NGLY1: variants seen among roughly 807,000 people sequenced by gnomAD.
NGLY1 encodes the protein N-glycanase 1.
In NGLY1, 68 loss-of-function variants were observed where a neutral mutation model predicts 84.6. The ratio of observed to expected loss-of-function variants is 0.80; its 90% confidence interval spans 0.66 to 0.98. The LOEUF (loss-of-function observed/expected upper bound fraction) is 0.98. Among genes scored for constraint, NGLY1 ranks in the 50% least tolerant of loss-of-function variants. The pLI, the probability that NGLY1 is intolerant of heterozygous loss-of-function variation, is 0.00. For synonymous variants in NGLY1, 280 were observed against 275.2 expected, an observed-to-expected ratio of 1.02 and a Z score of -0.17; for missense variants, 779 against 770.2, an observed-to-expected ratio of 1.01 and a Z score of -0.14.
chr3:25,785,299 T>A (rs938074007), upstream of NGLY1, among the ~76,000 whole-genome samples: 8 of 151,616 alleles, frequency 5.3e-5, no homozygotes, highest in South Asian at 4.2e-4. Flanking sequence ...AAAAAAAAAA[T>A]TTAAAAACAC....
chr3:25,782,377 C>T (rs1204171421), intron 1 of NGLY1, among the ~76,000 whole-genome samples: 1 of 152,146 alleles, frequency 6.6e-6, no homozygotes, highest in Non-Finnish European at 1.5e-5. Context: ...AATGAGGTAA[C>T]ACCCCTAAAG....
intron 1 of NGLY1, chr3:25,782,638 T>C (rs1708471555): frequency 1.3e-5 from 2 of 152,260 alleles, no homozygotes; most frequent in Admixed American, 1.3e-4. Context: ...TGTTACATAG[T>C]AGAATCCAGG....
intron 3 of NGLY1, among the ~76,000 whole-genome samples, chr3:25,762,809 C>T (rs1200159011): frequency 6.6e-6 from 1 of 152,038 alleles, no homozygotes; most frequent in Non-Finnish European, 1.5e-5. Flanking sequence ...AAAAAATTAG[C>T]CAAGTGTGGT....
intron 3 of NGLY1, among the ~76,000 whole-genome samples, chr3:25,762,100 C>T (rs1329330032): frequency 6.6e-6 from 1 of 152,038 alleles, no homozygotes; most frequent in Non-Finnish European, 1.5e-5. Context: ...ACGTCAACAT[C>T]AGTGACTATC....
At chr3:25,789,594 T>C (rs1708677482) in intron 1 of NGLY1, among the ~76,000 whole-genome samples, 1 of 152,204 alleles carries the variant, frequency 6.6e-6, no homozygotes, top group South Asian at 2.1e-4. Flanking sequence ...ACCTGCAGAA[T>C]TATTTTAAAC....
At chr3:25,777,202 C>A (rs976255570) in intron 2 of NGLY1, among the ~76,000 whole-genome samples, 2 of 152,268 alleles carry the variant, frequency 1.3e-5, no homozygotes, top group South Asian at 2.1e-4. Context: ...TCGAGACCAA[C>A]CTGACCAACA....
At chr3:25,751,895 G>A (rs1312150751) in intron 3 of NGLY1, among the ~76,000 whole-genome samples, 3 of 152,158 alleles carry the variant, frequency 2.0e-5, no homozygotes, top group Non-Finnish European at 4.4e-5. Context: ...CCTCTGAGCA[G>A]TAAGTGTGCA....
chr3:25,741,780 C>T (rs969222992), intron 4 of NGLY1, among the ~76,000 whole-genome samples: 4 of 151,814 alleles, frequency 2.6e-5, no homozygotes, highest in Admixed American at 6.6e-5. Context: ...CACTTGAGGT[C>T]AGGAGTTGGA....
intron 5 of NGLY1, among the ~76,000 whole-genome samples, chr3:25,738,629 T>C (rs529066556): frequency 1.3e-5 from 2 of 152,222 alleles, no homozygotes; most frequent in Admixed American, 6.5e-5. Flanking sequence ...AATTAAATTT[T>C]TTTTTTTTTT....
chr3:25,789,647 T>G (rs1282552740), intron 1 of NGLY1: 1 of 602,420 alleles, frequency 1.7e-6, no homozygotes. Context: ...CACAACAAAT[T>G]TCCTGATGTT....
chr3:25,780,638 T>A (rs535685839), intron 1 of NGLY1, among the ~76,000 whole-genome samples: 1 of 152,336 alleles, frequency 6.6e-6, no homozygotes, highest in East Asian at 1.9e-4. Context: ...TTTTGTTTTT[T>A]AAAAAACAAA....
intron 10 of NGLY1, among the ~76,000 whole-genome samples, chr3:25,727,308 G>C (rs926347684): frequency 6.6e-6 from 1 of 152,126 alleles, no homozygotes; most frequent in African/African-American, 2.4e-5. Context: ...TACTTGAATA[G>C]GGGTGTGTTT....
intron 2 of NGLY1, among the ~76,000 whole-genome samples, chr3:25,768,584 A>G (rs1180824135): frequency 1.3e-5 from 1 of 77,770 alleles, no homozygotes; most frequent in Non-Finnish European, 2.5e-5. Context: ...TTTTTTTTTT[A>G]GCGGAGTCTC....
intron 9 of NGLY1, chr3:25,730,631 T>C (rs1705493572): frequency 6.6e-6 from 1 of 152,158 alleles, no homozygotes; most frequent in South Asian, 2.1e-4. Context: ...ATTTGAATTA[T>C]TTGTTGAATT....
At position 25,732,447 on chromosome 3, in the gene NGLY1, G is replaced by C. The variant is rs753847475; in HGVS notation, c.1297C>G (p.Leu433Val). The C allele has an allele frequency of 6.2e-7, 1 of 1,613,352 alleles. No individual in the cohort carries two copies. Among genetic ancestry groups the C allele is most frequent in the Non-Finnish European group, 8.5e-7 (1 of 1,179,590 alleles). The change falls in exon 9 of 12, where the codon CTT becomes GTT. Residue 433 changes from leucine (L) to valine (V), a missense_variant. Coordinates refer to ENST00000280700, the MANE Select transcript of NGLY1 (RefSeq NM_018297.4). ...AGCTCCACAATTATCCTCTGGAGAAGTTCTTTCCTTCTGTTTTCTGACAAA... is the reference window on the plus strand; with the variant it reads ...AGCTCCACAATTATCCTCTGGAGAACTTCTTTCCTTCTGTTTTCTGACAAA... ...LFLSENRRKELLQRIIVELVE... is the reference protein window; with the variant it reads ...LFLSENRRKEVLQRIIVELVE...
Position 25,783,253 on chromosome 3 carries a change from C to T in NGLY1, c.131+7G>A, listed in dbSNP as rs1445250630. On this transcript the variant is annotated splice_region_variant and intron_variant, in intron 1 of 11. Transcript: ENST00000280700. This position sits in a 1 kb window ranked among gnomAD's most constrained non-coding sequence, Gnocchi z 4.5. ...GGTACCCGCCGTCCGACCCCGTTGCCCTGCACCTGAGGATGTTGTCAGCAT... is the reference window on the plus strand; with the variant it reads ...GGTACCCGCCGTCCGACCCCGTTGCTCTGCACCTGAGGATGTTGTCAGCAT... 2 of 1,609,330 alleles carry T rather than the reference C, an allele frequency of 1.2e-6. No individual in the cohort carries two copies. Among genetic ancestry groups the T allele is most frequent in the Non-Finnish European group, 1.7e-6 (2 of 1,177,794 alleles).
chr3:25,790,005 A>T, exon 1 of NGLY1: 5 of 1,058,430 alleles, frequency 4.7e-6, no homozygotes, highest in Non-Finnish European at 7.1e-6. Context: ...CAACCGGCGG[A>T]AAGAGAGTCG....
In NGLY1 at chr3:25,764,114, G is replaced by C. The variant is rs1559551762; in HGVS notation, c.444C>G (p.His148Gln). The part of the protein sequence containing the change: ...PSSNPSGLNQ[H>Q]TRNRQGQSSD... ...ATGACTGCCCTTGACGGTTCCTTGTGTGCTGGTTTAACCCACTGGGATTTG... is the reference window on the plus strand; with the variant it reads ...ATGACTGCCCTTGACGGTTCCTTGTCTGCTGGTTTAACCCACTGGGATTTG... The change falls in exon 3 of 12, where the codon CAC becomes CAG. Residue 148 changes from histidine to glutamine, a missense_variant. Transcript: ENST00000280700. 1 of 1,614,192 alleles carries C rather than the reference G, an allele frequency of 6.2e-7. No individual in the cohort carries two copies.
intron 10 of NGLY1, among the ~76,000 whole-genome samples, chr3:25,725,078 C>T (rs1164765837): frequency 6.6e-6 from 1 of 152,200 alleles, no homozygotes; most frequent in South Asian, 2.1e-4. Flanking sequence ...TGTCCTGTTC[C>T]ATACCCTGGA....
Sources: allele counts gnomAD v4.1 joint callset (sites outside exome capture counted in the v4.1 genomes callset), GRCh38; gene constraint gnomAD v4.1.1; non-coding constraint Gnocchi (gnomAD v3.1); transcripts MANE v1.5; gene names NCBI Gene and HGNC (gene_info 2026-07-23, HGNC 2026-07-21).